Variants in RBFOX1 observed in about 807,000 individuals in gnomAD.
RBFOX1 encodes RNA binding protein fox-1 homolog 1.
In RBFOX1, 8 loss-of-function variants were observed where a neutral mutation model predicts 57.7. The ratio of observed to expected loss-of-function variants is 0.14; its 90% CI spans 0.08 to 0.25. RBFOX1 has a LOEUF of 0.25. Ranked by LOEUF, RBFOX1 falls within the 10% of genes least tolerant of loss-of-function variation. RBFOX1 has a pLI of 1.00. For missense variants in RBFOX1, 611 were observed against 548.5 expected, an observed-to-expected ratio of 1.11 and a Z score of -1.14; for synonymous variants, 326 against 222.4, an observed-to-expected ratio of 1.47 and a Z score of -4.15.
At chr16:5,665,141 C>T (rs11648368) in intron 3 of RBFOX1, among the ~76,000 whole-genome samples, 4 of 121,260 alleles carry the variant, frequency 3.3e-5, no homozygotes, top group South Asian at 5.9e-4. Flanking sequence ...TGGGGGGGGG[C>T]GGTCTTGCTA....
chr16:6,937,280 C>A (rs567596034), intron 3 of RBFOX1, among the ~76,000 whole-genome samples: 1 of 152,138 alleles, frequency 6.6e-6, no homozygotes, highest in Non-Finnish European at 1.5e-5. Flanking sequence ...TCACGACCAA[C>A]ACTGTTTCCT....
At chr16:6,199,568 A>T (rs574266575) in intron 1 of RBFOX1, among the ~76,000 whole-genome samples, 1 of 152,274 alleles carries the variant, frequency 6.6e-6, no homozygotes, top group Admixed American at 6.5e-5. Flanking sequence ...AGCACATTGG[A>T]CCAAAGGTCT....
chr16:6,316,503 C>T (rs191778106), intron 1 of RBFOX1, among the ~76,000 whole-genome samples: 3 of 152,286 alleles, frequency 2.0e-5, no homozygotes, highest in Admixed American at 1.3e-4. Context: ...TCCTGCAGTT[C>T]TAGCGTTGAA....
At chr16:6,863,592 C>G (rs530018259) in intron 3 of RBFOX1, among the ~76,000 whole-genome samples, 1 of 147,014 alleles carries the variant, frequency 6.8e-6, no homozygotes, top group Non-Finnish European at 1.5e-5. Flanking sequence ...TGTTCCTGGA[C>G]GCCATTTTTA....
intron 2 of RBFOX1, among the ~76,000 whole-genome samples, chr16:6,506,565 A>G (rs1179756245): frequency 6.7e-6 from 1 of 149,898 alleles, no homozygotes; most frequent in Non-Finnish European, 1.5e-5. Context: ...AGTGTAGTCT[A>G]GACTCACCTT....
chr16:7,342,043 T>C (rs138319526), intron 4 of RBFOX1, among the ~76,000 whole-genome samples: 2 of 152,190 alleles, frequency 1.3e-5, no homozygotes, highest in African/African-American at 4.8e-5. Context: ...CATTCCACAT[T>C]GTTCTCAGGA....
At chr16:7,086,727 C>CACACACACACACAGACACACAG (rs1488264684) in intron 4 of RBFOX1, among the ~76,000 whole-genome samples, 8 of 152,026 alleles carry the variant, frequency 5.3e-5, no homozygotes. Flanking sequence ...TGTATACACA[C>CACACACACACACAGACACACAG]ACACACACAC....
At chr16:5,941,081 C>T (rs998438804) in intron 4 of RBFOX1, among the ~76,000 whole-genome samples, 1 of 151,982 alleles carries the variant, frequency 6.6e-6, no homozygotes, top group Non-Finnish European at 1.5e-5. Context: ...GAACACATTG[C>T]CTGGGATACA....
intron 4 of RBFOX1, among the ~76,000 whole-genome samples, chr16:7,128,901 A>C (rs916855453): frequency 4.1e-5 from 6 of 147,570 alleles, no homozygotes; most frequent in African/African-American, 1.5e-4. Flanking sequence ...GCTCACTGCA[A>C]CCTCCGCCTC....
intron 5 of RBFOX1, among the ~76,000 whole-genome samples, chr16:7,520,770 A>G (rs988157727): frequency 6.6e-6 from 1 of 152,214 alleles, no homozygotes; most frequent in Admixed American, 6.5e-5. Flanking sequence ...TTTGTTGGCT[A>G]TTTTGTGACA....
In RBFOX1 at chr16:6,785,473, A is replaced by G. The variant is rs2081795413; in HGVS notation, c.-16+130823A>G. On this transcript the variant is annotated intron_variant, in intron 3 of 15. Transcript: ENST00000550418. ...AATCTAGACTAGACAATTGGCAATA[A>G]AAGCCATTTGCATCTGGGCAACACC... Among the ~76,000 whole-genome samples the G allele has an allele frequency of 2.6e-5, 4 of 152,290 alleles. No homozygotes were observed. In the South Asian group the frequency reaches 8.3e-4, roughly 32 times the overall value.
chr16:5,847,985 G>C (rs961695504), intron 3 of RBFOX1, among the ~76,000 whole-genome samples: 25 of 152,054 alleles, frequency 1.6e-4, no homozygotes, highest in African/African-American at 4.8e-5. Flanking sequence ...GACATCATCT[G>C]GTGTAGTGTA....
At chr16:6,955,080 A>AAC (rs1555675158) in intron 3 of RBFOX1, among the ~76,000 whole-genome samples, 14 of 114,030 alleles carry the variant, frequency 1.2e-4, no homozygotes, top group African/African-American at 3.9e-4. Flanking sequence ...AAAAAAAAAA[A>AAC]CACACAAAAA....
intron 4 of RBFOX1, among the ~76,000 whole-genome samples, chr16:7,466,532 G>T (rs542300097): frequency 6.6e-6 from 1 of 152,116 alleles, no homozygotes; most frequent in African/African-American, 2.4e-5. Context: ...TCAACTCCAC[G>T]ATGTCCTGCC....
chr16:6,816,569 G>A (rs998748709), intron 3 of RBFOX1, among the ~76,000 whole-genome samples: 35 of 151,456 alleles, frequency 2.3e-4, no homozygotes, highest in African/African-American at 7.8e-4. Flanking sequence ...GTGAAACCCC[G>A]TCTCTACTAA....
At position 6,814,813 on chromosome 16, in the gene RBFOX1, G is replaced by T. The variant is rs1281130894; in HGVS notation, c.-16+160163G>T. Among the ~76,000 whole-genome samples the T allele has an allele frequency of 3.3e-5, 5 of 152,116 alleles. No individual in the cohort carries two copies. The East Asian group carries it at 9.7e-4, about 29-fold the overall frequency. The stretch of plus-strand genomic sequence containing the variant: ...AGCACATCAAGGGGTTTGGGTTTAT[G>T]TCCTGTGAGTGTTTCTGGAAAGGGG... On this transcript the variant is annotated intron_variant, in intron 3 of 15. Transcript: ENST00000550418.
chr16:7,226,224 C>A (rs1372674752), intron 4 of RBFOX1, among the ~76,000 whole-genome samples: 1 of 152,204 alleles, frequency 6.6e-6, no homozygotes, highest in Non-Finnish European at 1.5e-5. Flanking sequence ...TTACTCAAGT[C>A]AGAAGCATGG....
At chr16:5,898,082 G>A (rs2058210933) in intron 4 of RBFOX1, among the ~76,000 whole-genome samples, 1 of 152,026 alleles carries the variant, frequency 6.6e-6, no homozygotes. Context: ...TTTCAATCAT[G>A]GTGGAAGGGG....
intron 2 of RBFOX1, among the ~76,000 whole-genome samples, chr16:6,518,992 A>G (rs1020258136): frequency 7.2e-5 from 11 of 151,922 alleles, no homozygotes; most frequent in African/African-American, 2.4e-4. Context: ...AAAGGGGGAA[A>G]TATTTTCTCA....
Sources: gnomAD v4.1 joint callset for allele counts (sites outside exome capture counted in the v4.1 genomes callset) on GRCh38, gnomAD v4.1.1 for gene constraint, MANE v1.5 for transcripts, NCBI Gene and HGNC (gene_info 2026-07-23, HGNC 2026-07-21) for gene names.